RRM2: variants seen among roughly 807,000 people sequenced by gnomAD.
RRM2 encodes ribonucleotide reductase regulatory subunit M2.
A neutral mutation model predicts 45.9 loss-of-function variants in RRM2; 6 were observed. The observed-to-expected ratio is 0.13, with a 90% CI of 0.07 to 0.26. The LOEUF is 0.26. Ranked by LOEUF, RRM2 falls within the 10% of genes least tolerant of loss-of-function variation. RRM2 has a pLI of 1.00. For missense variants in RRM2, 343 were observed against 489.5 expected, an observed-to-expected ratio of 0.70 and a Z score of 2.82; for synonymous variants, 177 against 173.0, an observed-to-expected ratio of 1.02 and a Z score of -0.18.
At chr2:10,174,438 C>T (rs868360623) in intron 3 of RRM2, among the ~76,000 whole-genome samples, 2 of 152,284 alleles carry the variant, frequency 1.3e-5, no homozygotes, top group African/African-American at 4.8e-5. Flanking sequence ...GAAGCTCTCC[C>T]AGCTCTGTGT....
intron 3 of RRM2, among the ~76,000 whole-genome samples, chr2:10,188,768 C>T (rs1664221616): frequency 1.3e-5 from 2 of 152,138 alleles, no homozygotes; most frequent in Admixed American, 6.5e-5. Context: ...GCACTGCAAA[C>T]ACACCAGACC....
At chr2:10,139,161 C>T (rs1663039005), upstream of RRM2, among the ~76,000 whole-genome samples, 3 of 152,148 alleles carry the variant, frequency 2.0e-5, no homozygotes, top group Admixed American at 6.6e-5. Flanking sequence ...TATGGGCAGT[C>T]ATCTCCACAG....
At chr2:10,206,387 C>T (rs1011487931) in intron 3 of RRM2, among the ~76,000 whole-genome samples, 1 of 151,988 alleles carries the variant, frequency 6.6e-6, no homozygotes, top group Non-Finnish European at 1.5e-5. Context: ...TTGTATTCAC[C>T]ATAACTAAAA....
rs1553329435 is a variant in RRM2 at position 10,199,800 on chromosome 2, A to AAAAAAAAC, written n.483-10504_483-10503insCAAAAAAA. ...GTCTCAAAAAAAAAAAAAAAAAAAAAAAAAAAAAACAAATCATGGTATGAC... is the reference window on the plus strand; with the variant it reads ...GTCTCAAAAAAAAAAAAAAAAAAAAAAAAAAAACAAAAAAAAACAAATCATGGTATGAC... On this transcript the variant is annotated intron_variant and non_coding_transcript_variant, in intron 3 of 3. Coordinates refer to the RRM2 transcript ENST00000381786. Among the ~76,000 whole-genome samples, 579 of 97,836 alleles carry AAAAAAAAC rather than the reference A, an allele frequency of 5.9e-3. 72 individuals carry two copies. The highest frequency in any genetic ancestry group is 9.4e-3 in the East Asian group (24 of 2,548). The allele number at this position is 97,836 out of a possible 152,430, so 64.2% of individuals were successfully genotyped here. A position where few individuals can be genotyped will look rare whatever the true frequency, so the allele number is the denominator to read the frequency against.
At position 10,172,285 on chromosome 2, in the gene RRM2, G is replaced by A. The variant is rs984862701; in HGVS notation, n.482+29910G>A. Among the ~76,000 whole-genome samples, 5 of 152,112 alleles carry A rather than the reference G, an allele frequency of 3.3e-5. No individual in the cohort carries two copies. The highest frequency in any genetic ancestry group is 1.2e-4 in the African/African-American group (5 of 41,428). Reference sequence around the variant, plus strand: ...GGTCGGATGAGATGAAGGAGGCTGGGGCTGGCACCGTGGTGGTCCCTGGGC... The same window carrying A: ...GGTCGGATGAGATGAAGGAGGCTGGAGCTGGCACCGTGGTGGTCCCTGGGC... On this transcript the variant is annotated intron_variant and non_coding_transcript_variant, in intron 3 of 3. Coordinates refer to the RRM2 transcript ENST00000381786. This position sits in a 1 kb window ranked among gnomAD's most constrained non-coding sequence, Gnocchi z 4.9.
chr2:10,128,835 C>T lies in RRM2; in HGVS notation c.799-13C>T. The T allele has an allele frequency of 6.2e-7, 1 of 1,601,930 alleles. No homozygotes were observed. Among genetic ancestry groups the T allele is most frequent in the Non-Finnish European group, 8.6e-7 (1 of 1,169,260 alleles). Reference sequence around the variant, plus strand: ...GTCTTCTGGCTTTAGTGATCTTGAACTTTTTTTTCTAGGGTTTACACTGTG... The same window carrying T: ...GTCTTCTGGCTTTAGTGATCTTGAATTTTTTTTTCTAGGGTTTACACTGTG... On this transcript the variant is annotated splice_polypyrimidine_tract_variant and intron_variant, in intron 7 of 9. Coordinates refer to ENST00000304567, the MANE Select transcript of RRM2 (RefSeq NM_001034.4).
chr2:10,147,572 G>A (rs1663215123), intron 3 of RRM2, among the ~76,000 whole-genome samples: 1 of 152,128 alleles, frequency 6.6e-6, no homozygotes, highest in African/African-American at 2.4e-5. Context: ...CTAGAGATAA[G>A]TTTCTCAAAC....
At chr2:10,182,964 G>A (rs1664091728) in intron 3 of RRM2, among the ~76,000 whole-genome samples, 1 of 152,148 alleles carries the variant, frequency 6.6e-6, no homozygotes, top group Non-Finnish European at 1.5e-5. Flanking sequence ...GACTGCTTGA[G>A]CCCAGGAGTT....
At chr2:10,136,206 A>C (rs542982334), downstream of RRM2, among the ~76,000 whole-genome samples, 1 of 152,322 alleles carries the variant, frequency 6.6e-6, no homozygotes, top group South Asian at 2.1e-4. Flanking sequence ...TGGATTATGC[A>C]ACGTGGCCAC....
At chr2:10,202,303 C>T (rs1664581932) in intron 3 of RRM2, among the ~76,000 whole-genome samples, 1 of 152,188 alleles carries the variant, frequency 6.6e-6, no homozygotes, top group Admixed American at 6.5e-5. Flanking sequence ...TTTACTTTTC[C>T]TACATACCTT....
At chr2:10,136,273 G>A (rs1419042046), downstream of RRM2, among the ~76,000 whole-genome samples, 1 of 152,246 alleles carries the variant, frequency 6.6e-6, no homozygotes, top group Non-Finnish European at 1.5e-5. Context: ...CAGGTGAAAA[G>A]ACAAGACAGG....
At chr2:10,146,149 T>TA (rs1316502022) in intron 3 of RRM2, 3 of 152,244 alleles carry the variant, frequency 2.0e-5, no homozygotes, top group Admixed American at 1.3e-4. Flanking sequence ...AAGCATATCT[T>TA]ACGGATGGCG....
At chr2:10,203,951 AC>A (rs1227210829) in intron 3 of RRM2, among the ~76,000 whole-genome samples, 1 of 151,522 alleles carries the variant, frequency 6.6e-6, no homozygotes, top group Non-Finnish European at 1.5e-5. Context: ...CCCCAAGTGC[AC>A]CCCCAGAGAC....
At chr2:10,145,276 A>G (rs906304133) in intron 3 of RRM2, among the ~76,000 whole-genome samples, 1 of 152,078 alleles carries the variant, frequency 6.6e-6, no homozygotes, top group Non-Finnish European at 1.5e-5. Context: ...GTCCATCCCG[A>G]AAGTTGTAAC....
At chr2:10,146,619 G>A (rs4669531) in intron 3 of RRM2, among the ~76,000 whole-genome samples, 3 of 151,920 alleles carry the variant, frequency 2.0e-5, no homozygotes, top group African/African-American at 7.3e-5. Context: ...CATGCTCCTC[G>A]CTCTGCCCCT....
rs1663831411 is a variant in RRM2 at position 10,172,858 on chromosome 2, G to A, written n.482+30483G>A. ...CAGGGCCCATCTGAGCAGGGGCCCG[G>A]TGTGACCACACGGATCCCATACCGG... On this transcript the variant is annotated intron_variant and non_coding_transcript_variant, in intron 3 of 3. Transcript: ENST00000381786. This position sits in a 1 kb window ranked among gnomAD's most constrained non-coding sequence, Gnocchi z 4.9. Among the ~76,000 whole-genome samples, 1 of 152,226 alleles carries A rather than the reference G, an allele frequency of 6.6e-6. No individual in the cohort carries two copies. The highest frequency in any genetic ancestry group is 6.5e-5 in the Admixed American group (1 of 15,284).
At chr2:10,123,694 C>T (rs775749110) in intron 3 of RRM2, 42 bp from the exon 4 acceptor site, 1 of 1,433,454 alleles carries the variant, frequency 7.0e-7, no homozygotes, top group South Asian at 1.2e-5. Flanking sequence ...GTAGGCTTTA[C>T]TCTCTTCCTT....
At position 10,194,632 on chromosome 2, in the gene RRM2, C is replaced by T. The variant is rs73169391; in HGVS notation, n.483-15679C>T. On this transcript the variant is annotated intron_variant and non_coding_transcript_variant, in intron 3 of 3. Transcript: ENST00000381786. ...GGGTGGCTTGGCCGGCCTGGTGTCC[C>T]GTGCCCAGCATGGGCTCTGGCCCAA... 4.7e-3 allele frequency among the ~76,000 whole-genome samples: 712 copies of T among 152,394 alleles called. 7 individuals are homozygous for T. Among genetic ancestry groups the T allele is most frequent in the African/African-American group, 0.016 (645 of 41,600 alleles).
intron 3 of RRM2, among the ~76,000 whole-genome samples, chr2:10,184,091 TAAAAA>T (rs60421650): frequency 2.3e-4 from 7 of 30,686 alleles, no homozygotes; most frequent in South Asian, 3.7e-3. Context: ...AGACTCCATC[TAAAAA>T]AAAAAAAAAA....
Sources: allele counts gnomAD v4.1 joint callset (sites outside exome capture counted in the v4.1 genomes callset), GRCh38; gene constraint gnomAD v4.1.1; non-coding constraint Gnocchi (gnomAD v3.1); transcripts MANE v1.5; gene names NCBI Gene and HGNC (gene_info 2026-07-23, HGNC 2026-07-21).